CNKSR2: variants seen among roughly 807,000 people sequenced by gnomAD.
CNKSR2 encodes the protein CNK homolog protein 2.
In CNKSR2, 14 loss-of-function variants were observed where a neutral mutation model predicts 84.4. The observed-to-expected ratio is 0.17, with a 90% confidence interval of 0.11 to 0.26. The LOEUF (loss-of-function observed/expected upper bound fraction) is 0.26. Among genes scored for constraint, CNKSR2 ranks in the 10% least tolerant of loss-of-function variants. The pLI is 1.00. For synonymous variants in CNKSR2, 275 were observed against 277.9 expected, an observed-to-expected ratio of 0.99 and a Z score of 0.10; for missense variants, 485 against 771.2, an observed-to-expected ratio of 0.63 and a Z score of 4.40.
intron 15 of CNKSR2, chrX:21,593,204 AG>A (rs746374139): frequency 6.3e-4 from 70 of 111,928 alleles, no homozygotes; most frequent in African/African-American, 2.2e-3. Context: ...TCAAGGGTAA[AG>A]TAACATAGAA....
At chrX:21,646,248 G>A (rs962300203) in intron 20 of CNKSR2, among the ~76,000 whole-genome samples, 1 of 111,527 alleles carries the variant, frequency 9.0e-6, no homozygotes, top group Non-Finnish European at 1.9e-5. Context: ...GTTCAAGTGT[G>A]CTGCCCAGAG....
chrX:21,548,298 A>C (rs2092048891), intron 11 of CNKSR2, among the ~76,000 whole-genome samples: 1 of 112,098 alleles, frequency 8.9e-6, no homozygotes. Flanking sequence ...ACACATTTAC[A>C]CAATTAAACT....
chrX:21,411,769 C>T (rs929327613), intron 1 of CNKSR2, among the ~76,000 whole-genome samples: 2 of 110,836 alleles, frequency 1.8e-5, no homozygotes, highest in Admixed American at 1.9e-4. Flanking sequence ...ATGCCAGGTA[C>T]CTTTACTTTC....
At chrX:21,499,117 A>G (rs998796960) in intron 7 of CNKSR2, among the ~76,000 whole-genome samples, 1 of 111,795 alleles carries the variant, frequency 8.9e-6, no homozygotes, top group Non-Finnish European at 1.9e-5. Flanking sequence ...AATATCAGTA[A>G]CATGCATATT....
intron 20 of CNKSR2, among the ~76,000 whole-genome samples, chrX:21,621,870 CTCA>C (rs1305814713): frequency 9.0e-6 from 1 of 111,143 alleles, no homozygotes; most frequent in African/African-American, 3.3e-5. Context: ...ACGCCACCCA[CTCA>C]TCATCTATTT....
At chrX:21,649,131 A>G (rs938414204) in intron 21 of CNKSR2, 104 bp downstream of exon 21, 5 of 546,084 alleles carry the variant, frequency 9.2e-6, no homozygotes, top group Admixed American at 3.6e-5. Context: ...GCTGGGGAGA[A>G]GAAGAGGCAA....
intron 9 of CNKSR2, among the ~76,000 whole-genome samples, chrX:21,524,527 G>C (rs969099590): frequency 1.8e-5 from 2 of 110,906 alleles, no homozygotes; most frequent in African/African-American, 6.5e-5. Flanking sequence ...TCTTGGAAGG[G>C]AAAAGACACA....
rs148020359 is a variant in CNKSR2 at position 21,393,293 on chromosome X, C to T, written c.64+18332C>T. ...GAAATGCTTCTGCTTTTTGTACAAA[C>T]TATTCTTAAGCTATGCTCACGGGAA... On this transcript the variant is annotated intron_variant, in intron 1 of 21. Coordinates refer to ENST00000379510, the MANE Select transcript of CNKSR2 (RefSeq NM_014927.5). 9.4e-3 allele frequency among the ~76,000 whole-genome samples: 1,048 copies of T among 112,025 alleles called. 12 individuals are homozygous for T. The highest frequency in any genetic ancestry group is 0.031 in the African/African-American group (952 of 30,849).
At chrX:21,592,835 T>A (rs1428463913) in intron 15 of CNKSR2, 1 of 110,001 alleles carries the variant, frequency 9.1e-6, no homozygotes, top group Admixed American at 9.9e-5. Context: ...TATTAAATAC[T>A]TTTTATATGC....
At chrX:21,595,074 G>A (rs758260658) in intron 16 of CNKSR2, 27 bp downstream of exon 16, 6 of 1,075,429 alleles carry the variant, frequency 5.6e-6, no homozygotes, top group Non-Finnish European at 7.7e-6. Context: ...TGGGAAGAGG[G>A]AACGATAGTT....
intron 9 of CNKSR2, among the ~76,000 whole-genome samples, chrX:21,519,583 C>CCAAATA (rs1319217259): frequency 4.5e-5 from 5 of 110,634 alleles, no homozygotes; most frequent in Non-Finnish European, 9.5e-5. Flanking sequence ...ATCAGCTCAT[C>CCAAATA]CAAATACAAA....
chrX:21,577,456 CT>C (rs1442704011), intron 13 of CNKSR2, among the ~76,000 whole-genome samples: 1 of 111,352 alleles, frequency 9.0e-6, no homozygotes, highest in African/African-American at 3.3e-5. Context: ...ATAACAGGCC[CT>C]TGGCTTGGTT....
At chrX:21,475,180 C>T (rs977820746) in intron 5 of CNKSR2, among the ~76,000 whole-genome samples, 5 of 111,339 alleles carry the variant, frequency 4.5e-5, no homozygotes, top group South Asian at 3.8e-4. Flanking sequence ...GAGTAACTGA[C>T]GGAGTATTAC....
chrX:21,651,408 G>A (rs779576047), intron 21 of CNKSR2, among the ~76,000 whole-genome samples: 4 of 111,247 alleles, frequency 3.6e-5, no homozygotes, highest in Non-Finnish European at 5.7e-5. Flanking sequence ...ACAGATCTCA[G>A]ATCCCACCAC....
rs747665932 is a variant in CNKSR2, at chrX:21,595,746, C to T, written c.1976+351C>T. 5.0e-4 allele frequency among the ~76,000 whole-genome samples: 56 copies of T among 111,674 alleles called. 1 individual carries two copies. The highest frequency in any genetic ancestry group is 1.7e-3 in the African/African-American group (53 of 30,828). On this transcript the variant is annotated intron_variant, in intron 17 of 21. Transcript: ENST00000379510. ...CCAAAAAATCGGACTTTTTGAAGTA[C>T]TGAGTATTTTTGACAGAATATTCAT...
At chrX:21,590,658 G>T (rs1219276576) in intron 14 of CNKSR2, 38 bp downstream of exon 14, 1 of 1,164,640 alleles carries the variant, frequency 8.6e-7, no homozygotes. Context: ...TGCTTATTTT[G>T]CTCTTTGATA....
chrX:21,397,601 ATTGGGATAGGGGT>A (rs1459314297), intron 1 of CNKSR2, among the ~76,000 whole-genome samples: 1 of 110,877 alleles, frequency 9.0e-6, no homozygotes, highest in Non-Finnish European at 1.9e-5. Context: ...GGGATGGGGA[ATTGGGATAGGGGT>A]TTGGGAGAGG....
intron 1 of CNKSR2, chrX:21,424,189 A>C: frequency 9.0e-6 from 1 of 111,270 alleles, no homozygotes; most frequent in Middle Eastern, 4.6e-3. Flanking sequence ...TCCCATCCTC[A>C]CCATTATCCT....
Position 21,497,796 on chromosome X carries a change from A to G in CNKSR2, c.691A>G (p.Ile231Val). 1 of 911,922 alleles carries G rather than the reference A, an allele frequency of 1.1e-6. No individual in the cohort carries two copies. Among genetic ancestry groups the G allele is most frequent in the Non-Finnish European group, 1.6e-6 (1 of 623,228 alleles). The allele number at this position is 911,922 out of a possible 1,213,427, so 75.2% of individuals were successfully genotyped here. The change falls in exon 7 of 22, where the codon ATT becomes GTT. Residue 231 changes from isoleucine (I) to valine (V), a missense_variant. Coordinates refer to ENST00000379510, the MANE Select transcript of CNKSR2 (RefSeq NM_014927.5). Reference sequence around the variant, plus strand: ...GCTGTCTTTTTCTTAGGGTATGTATATTAAATCTACATATGATGGCCTCCA... The same window carrying G: ...GCTGTCTTTTTCTTAGGGTATGTATGTTAAATCTACATATGATGGCCTCCA... ...IKPSEGLGMYIKSTYDGLHVI... is the reference protein window; with the variant it reads ...IKPSEGLGMYVKSTYDGLHVI...
Sources: gnomAD v4.1 joint callset for allele counts (sites outside exome capture counted in the v4.1 genomes callset) on GRCh38, gnomAD v4.1.1 for gene constraint, MANE v1.5 for transcripts, NCBI Gene and HGNC (gene_info 2026-07-23, HGNC 2026-07-21) for gene names.